Variants in NRG3 observed in about 807,000 individuals in gnomAD.
NRG3 encodes pro-neuregulin-3, membrane-bound isoform.
NRG3 carries 31 observed loss-of-function variants against 66.9 expected under a neutral mutation model. The observed-to-expected ratio is 0.46, with a 90% CI of 0.35 to 0.63. The LOEUF (loss-of-function observed/expected upper bound fraction) is 0.63, where lower values mean the gene tolerates loss of function less well. NRG3 is among the 20% of genes least tolerant of loss of function. NRG3 has a pLI of 0.00. For synonymous variants in NRG3, 393 were observed against 359.4 expected, an observed-to-expected ratio of 1.09 and a Z score of -1.06; for missense variants, 910 against 878.9, an observed-to-expected ratio of 1.04 and a Z score of -0.45.
intron 3 of NRG3, among the ~76,000 whole-genome samples, chr10:82,844,428 T>G (rs534429685): frequency 6.6e-6 from 1 of 152,352 alleles, no homozygotes; most frequent in East Asian, 1.9e-4. Flanking sequence ...TTATCACTGA[T>G]GCAATTTAAA....
intron 2 of NRG3, among the ~76,000 whole-genome samples, chr10:82,413,462 A>G (rs2088278201): frequency 6.6e-6 from 1 of 152,190 alleles, no homozygotes; most frequent in Non-Finnish European, 1.5e-5. Flanking sequence ...TTTATAGAGC[A>G]CAGGAAGAGT....
chr10:82,717,772 C>T (rs74881810), intron 2 of NRG3, among the ~76,000 whole-genome samples: 1 of 152,066 alleles, frequency 6.6e-6, no homozygotes, highest in Non-Finnish European at 1.5e-5. Flanking sequence ...AATCTCTCAA[C>T]CAAGGGGTTC....
chr10:82,117,836 T>G (rs979405063), intron 1 of NRG3, among the ~76,000 whole-genome samples: 1 of 152,194 alleles, frequency 6.6e-6, no homozygotes, highest in Non-Finnish European at 1.5e-5. Context: ...TCTGCATGTC[T>G]GCACCATGCG....
At chr10:81,955,844 A>C (rs1428945202) in intron 1 of NRG3, among the ~76,000 whole-genome samples, 1 of 152,092 alleles carries the variant, frequency 6.6e-6, no homozygotes, top group African/African-American at 2.4e-5. Flanking sequence ...TAAACTCTGC[A>C]CTCATTTATC....
intron 1 of NRG3, among the ~76,000 whole-genome samples, chr10:82,263,192 A>T (rs768233908): frequency 3.9e-5 from 6 of 152,206 alleles, no homozygotes; most frequent in Non-Finnish European, 5.9e-5. Flanking sequence ...GTGGGTGTAC[A>T]TCAGTGGGAA....
intron 1 of NRG3, among the ~76,000 whole-genome samples, chr10:81,952,606 G>GT (rs113010592): frequency 0.051 from 7,699 of 151,874 alleles, 214 homozygotes; most frequent in Admixed American, 0.064. Flanking sequence ...TCATTCCTGG[G>GT]TTTTTTTGTT....
chr10:81,949,039 A>G (rs1465709152), intron 1 of NRG3, among the ~76,000 whole-genome samples: 5 of 152,128 alleles, frequency 3.3e-5, no homozygotes, highest in Non-Finnish European at 7.4e-5. Flanking sequence ...ACATGTGACA[A>G]TACACATAGG....
chr10:82,734,958 C>A (rs1243307450), intron 2 of NRG3, among the ~76,000 whole-genome samples: 1 of 146,632 alleles, frequency 6.8e-6, no homozygotes, highest in Non-Finnish European at 1.5e-5. Context: ...GTCAAGGCTG[C>A]AGCTAGCCAC....
chr10:82,831,436 G>A (rs943139710), intron 3 of NRG3, among the ~76,000 whole-genome samples: 1 of 149,426 alleles, frequency 6.7e-6, no homozygotes, highest in African/African-American at 2.5e-5. Context: ...ACATCTTAAT[G>A]TATATAGTAT....
intron 1 of NRG3, among the ~76,000 whole-genome samples, chr10:82,149,380 A>T (rs1204953533): frequency 1.3e-5 from 2 of 152,186 alleles, no homozygotes; most frequent in South Asian, 4.1e-4. Context: ...ATAATTGATT[A>T]GCTAGGATGC....
intron 2 of NRG3, among the ~76,000 whole-genome samples, chr10:82,408,081 G>GAGAGAGAGAGAGAGAA (rs1564888020): frequency 1.5e-5 from 1 of 67,028 alleles, no homozygotes; most frequent in Non-Finnish European, 2.8e-5. Flanking sequence ...GAGAGAGAGA[G>GAGAGAGAGAGAGAGAA]AGACAGAAAG....
chr10:82,221,023 A>C (rs982640835), intron 1 of NRG3, among the ~76,000 whole-genome samples: 1 of 152,172 alleles, frequency 6.6e-6, no homozygotes, highest in Non-Finnish European at 1.5e-5. Context: ...ATCATTAGGA[A>C]TATATTTAAT....
intron 2 of NRG3, among the ~76,000 whole-genome samples, chr10:82,719,592 T>A (rs2057176744): frequency 6.6e-6 from 1 of 152,192 alleles, no homozygotes; most frequent in South Asian, 2.1e-4. Context: ...TGTCTGTTTT[T>A]CTGGTTCACT....
intron 3 of NRG3, among the ~76,000 whole-genome samples, chr10:82,740,912 A>G (rs898027378): frequency 3.9e-5 from 6 of 152,126 alleles, no homozygotes; most frequent in Non-Finnish European, 7.3e-5. Flanking sequence ...CTTTTATATA[A>G]AATTGCAAAA....
chr10:82,277,089 T>C (rs2078890187), intron 1 of NRG3, among the ~76,000 whole-genome samples: 1 of 152,126 alleles, frequency 6.6e-6, no homozygotes, highest in African/African-American at 2.4e-5. Flanking sequence ...ATTTGTTTTT[T>C]ACTTTCTTTC....
At chr10:82,688,924 A>G (rs905452783) in intron 2 of NRG3, among the ~76,000 whole-genome samples, 3 of 152,152 alleles carry the variant, frequency 2.0e-5, no homozygotes, top group Admixed American at 6.6e-5. Flanking sequence ...AATTTTCCAC[A>G]GATAGATGGA....
intron 1 of NRG3, among the ~76,000 whole-genome samples, chr10:82,275,759 T>C (rs1589556554): frequency 6.6e-6 from 1 of 151,980 alleles, no homozygotes; most frequent in Admixed American, 6.6e-5. Flanking sequence ...AAGATATAAT[T>C]GGAGTAAGTT....
At chr10:82,700,613 G>A (rs1449866577) in intron 2 of NRG3, among the ~76,000 whole-genome samples, 1 of 152,122 alleles carries the variant, frequency 6.6e-6, no homozygotes, top group Non-Finnish European at 1.5e-5. Context: ...TTAGTATGAT[G>A]TCAGCTGGGC....
intron 2 of NRG3, among the ~76,000 whole-genome samples, chr10:82,562,071 C>T (rs1209648086): frequency 6.6e-6 from 1 of 152,110 alleles, no homozygotes; most frequent in Non-Finnish European, 1.5e-5. Flanking sequence ...TGACTTTAAG[C>T]CTGAGGTTCC....
Sources: allele counts gnomAD v4.1 joint callset (sites outside exome capture counted in the v4.1 genomes callset), GRCh38; gene constraint gnomAD v4.1.1; transcripts MANE v1.5; gene names NCBI Gene and HGNC (gene_info 2026-07-23, HGNC 2026-07-21).